The following PAQR5 variants were observed in gnomAD, a reference collection of about 807,000 sequenced individuals.
PAQR5 encodes the protein membrane progestin receptor gamma.
A neutral mutation model predicts 34.5 loss-of-function variants in PAQR5; 20 were observed. The ratio of observed to expected loss-of-function variants is 0.58; its 90% confidence interval spans 0.41 to 0.84. PAQR5 has a LOEUF of 0.84. Ranked by LOEUF, PAQR5 falls within the 40% of genes least tolerant of loss-of-function variation. The pLI is 0.00. For missense variants in PAQR5, 378 were observed against 412.7 expected (o/e 0.92, Z 0.73); for synonymous variants, 131 against 155.6 (o/e 0.84, Z 1.18).
rs781330997 is a variant in PAQR5, at chr15:69,385,751, CACAA to C, written c.385+873_385+876del. ...CTTCATATACACACGTTCACACTCA[CACAA>C]ACACACACTCATGCACTGACACACA... On this transcript the variant is annotated intron_variant, in intron 5 of 8. Transcript: ENST00000395407. The surrounding 1 kb of genome is among the most constrained non-coding windows in gnomAD (Gnocchi z 4.7). Among the ~76,000 whole-genome samples the C allele has an allele frequency of 3.3e-5, 5 of 152,140 alleles. No individual in the cohort carries two copies. Among genetic ancestry groups the C allele is most frequent in the Admixed American group, 6.5e-5 (1 of 15,278 alleles).
chr15:69,303,955 G>A (rs1302046226), intron 1 of PAQR5, among the ~76,000 whole-genome samples: 1 of 152,216 alleles, frequency 6.6e-6, no homozygotes, highest in Non-Finnish European at 1.5e-5. Flanking sequence ...TTCAGGGTTA[G>A]AATGCACCTG....
chr15:69,333,382 A>G (rs1255998110), intron 1 of PAQR5, among the ~76,000 whole-genome samples: 2 of 152,162 alleles, frequency 1.3e-5, no homozygotes, highest in African/African-American at 4.8e-5. Flanking sequence ...ACTTATTATG[A>G]GAGAGCTTTG....
intron 3 of PAQR5, among the ~76,000 whole-genome samples, chr15:69,366,460 G>T (rs1444824001): frequency 6.6e-6 from 1 of 152,176 alleles, no homozygotes; most frequent in African/African-American, 2.4e-5. Flanking sequence ...TCTCTTTGGT[G>T]TACAACCCAG....
intron 1 of PAQR5, among the ~76,000 whole-genome samples, chr15:69,305,679 C>T (rs1000237355): frequency 6.6e-6 from 1 of 151,994 alleles, no homozygotes; most frequent in Admixed American, 6.5e-5. Flanking sequence ...GGAGGGGACA[C>T]AGGAAGTGAA....
At chr15:69,386,651 C>T (rs2140946567) in intron 5 of PAQR5, among the ~76,000 whole-genome samples, 1 of 151,966 alleles carries the variant, frequency 6.6e-6, no homozygotes, top group South Asian at 2.1e-4. Flanking sequence ...GGCTCCCCTC[C>T]TCTGCTTTCT....
At position 69,329,086 on chromosome 15, in the gene PAQR5, G is replaced by A. The variant is rs149387435; in HGVS notation, c.-276-8255G>A. Among the ~76,000 whole-genome samples the A allele has an allele frequency of 3.0e-3, 460 of 152,346 alleles. 2 individuals are homozygous for A. The highest frequency in any genetic ancestry group is 8.7e-3 in the African/African-American group (361 of 41,580). Reference sequence around the variant, plus strand: ...GGACGCCAGGTTACCCTGGGAATGCGGCTTCGCCCTTGTTCACCAGGCACT... The same window carrying A: ...GGACGCCAGGTTACCCTGGGAATGCAGCTTCGCCCTTGTTCACCAGGCACT... On this transcript the variant is annotated intron_variant, in intron 1 of 8. Transcript: ENST00000395407.
Position 69,400,249 on chromosome 15 carries a change from A to G in PAQR5, c.751+134A>G, listed in dbSNP as rs1008180425. The G allele has an allele frequency of 1.3e-5, 11 of 868,274 alleles. No individual in the cohort carries two copies. In the African/African-American group the frequency reaches 1.3e-4, roughly 11 times the overall value. The allele number at this position is 868,274 out of a possible 1,614,324, so 53.8% of individuals were successfully genotyped here. On this transcript the variant is annotated intron_variant, in intron 8 of 8. Transcript: ENST00000395407. ...AGAGGCCAAGGCGAGTAACATTGCA[A>G]GTTGACAGAGGTCAGGATGTCTGCA...
intron 1 of PAQR5, among the ~76,000 whole-genome samples, chr15:69,334,086 G>A (rs2054454385): frequency 6.6e-6 from 1 of 152,098 alleles, no homozygotes. Flanking sequence ...TGGAGGCAGT[G>A]GCGCAGTCTT....
At chr15:69,350,528 A>G (rs957888843) in intron 2 of PAQR5, among the ~76,000 whole-genome samples, 1 of 152,286 alleles carries the variant, frequency 6.6e-6, no homozygotes, top group South Asian at 2.1e-4. Flanking sequence ...CTGTAGTCCC[A>G]GCTACTTTGG....
chr15:69,390,078 C>T (rs1332832339), intron 6 of PAQR5, among the ~76,000 whole-genome samples: 4 of 152,180 alleles, frequency 2.6e-5, no homozygotes, highest in Non-Finnish European at 5.9e-5. Context: ...TGTGATGGCA[C>T]AATCTTGGCT....
chr15:69,317,524 C>T (rs897349400), intron 1 of PAQR5, among the ~76,000 whole-genome samples: 1 of 152,190 alleles, frequency 6.6e-6, no homozygotes, highest in African/African-American at 2.4e-5. Flanking sequence ...CTTGGCTGCC[C>T]TGACCATTTT....
intron 8 of PAQR5, 73 bp downstream of exon 8, chr15:69,400,188 T>A: frequency 7.0e-7 from 1 of 1,430,398 alleles, no homozygotes; most frequent in East Asian, 2.3e-5. Context: ...CTGACTCCAG[T>A]GCACGTAGCT....
At chr15:69,311,642 G>A (rs998227465) in intron 1 of PAQR5, among the ~76,000 whole-genome samples, 1 of 152,066 alleles carries the variant, frequency 6.6e-6, no homozygotes, top group Non-Finnish European at 1.5e-5. Context: ...GTGCCCACAG[G>A]GGTTATTTAA....
At position 69,320,137 on chromosome 15, in the gene PAQR5, T is replaced by A. The variant is rs1595847305; in HGVS notation, c.-276-17204T>A. On this transcript the variant is annotated intron_variant, in intron 1 of 8. Coordinates refer to ENST00000395407, the MANE Select transcript of PAQR5 (RefSeq NM_017705.4). ...CATCAGCCTGGCAGGGGCTTCGCCC[T>A]TTCCCAGCCTTGGGGGAGGACCCCG... Among the ~76,000 whole-genome samples the A allele has an allele frequency of 3.9e-5, 6 of 152,350 alleles. No individual in the cohort carries two copies. The South Asian group carries it at 1.0e-3, about 26-fold the overall frequency.
intron 2 of PAQR5, among the ~76,000 whole-genome samples, chr15:69,337,842 AGGTG>A (rs1268878063): frequency 6.6e-5 from 10 of 152,208 alleles, no homozygotes; most frequent in Non-Finnish European, 1.3e-4. Context: ...TGGGAGGCCC[AGGTG>A]GGTGGATTGC....
At chr15:69,312,178 T>A (rs1349949423) in intron 1 of PAQR5, among the ~76,000 whole-genome samples, 1 of 152,068 alleles carries the variant, frequency 6.6e-6, no homozygotes, top group African/African-American at 2.4e-5. Flanking sequence ...GAGGAAAATC[T>A]GCAATGAGGA....
chr15:69,399,314 T>C (rs1028112765), intron 7 of PAQR5, among the ~76,000 whole-genome samples: 3 of 152,228 alleles, frequency 2.0e-5, no homozygotes, highest in Admixed American at 1.3e-4. Context: ...CTGCCACTCA[T>C]GAGACAGCAA....
intron 3 of PAQR5, among the ~76,000 whole-genome samples, chr15:69,366,506 T>G (rs534904829): frequency 6.6e-6 from 1 of 152,326 alleles, no homozygotes; most frequent in South Asian, 2.1e-4. Flanking sequence ...AACTCCATGC[T>G]TCCAAGTATA....
chr15:69,313,079 C>G (rs1017598552), intron 1 of PAQR5, among the ~76,000 whole-genome samples: 1 of 152,192 alleles, frequency 6.6e-6, no homozygotes, highest in African/African-American at 2.4e-5. Context: ...CTAGTTCTCA[C>G]GAACCCTGAA....
Sources: allele counts gnomAD v4.1 joint callset (sites outside exome capture counted in the v4.1 genomes callset), GRCh38; gene constraint gnomAD v4.1.1; non-coding constraint Gnocchi (gnomAD v3.1); transcripts MANE v1.5; gene names NCBI Gene and HGNC (gene_info 2026-07-23, HGNC 2026-07-21).